PDE4B: variants seen among roughly 807,000 people sequenced by gnomAD.
PDE4B encodes the protein phosphodiesterase 4B.
In PDE4B, 20 loss-of-function variants were observed where a neutral mutation model predicts 82.2. The ratio of observed to expected loss-of-function variants is 0.24; its 90% confidence interval spans 0.17 to 0.35. The LOEUF is 0.35. Ranked by LOEUF, PDE4B falls within the 10% of genes least tolerant of loss-of-function variation. The pLI, the probability that PDE4B is intolerant of heterozygous loss-of-function variation, is 1.00. For synonymous variants in PDE4B, 320 were observed against 318.9 expected (o/e 1.00, Z -0.04); for missense variants, 655 against 907.2 (o/e 0.72, Z 3.57).
At chr1:65,993,306 G>A (rs534112429) in intron 3 of PDE4B, among the ~76,000 whole-genome samples, 2 of 152,290 alleles carry the variant, frequency 1.3e-5, no homozygotes, top group Non-Finnish European at 2.9e-5. Flanking sequence ...TAAATGCACT[G>A]TGTGCTAAAT....
At chr1:66,357,483 G>A (rs11208840) in intron 9 of PDE4B, among the ~76,000 whole-genome samples, 4,610 of 152,006 alleles carry the variant, frequency 0.03, 147 homozygotes, top group South Asian at 0.084. Context: ...AGATGAGGCA[G>A]ATGTCAACTT....
intron 4 of PDE4B, among the ~76,000 whole-genome samples, chr1:66,255,105 A>G (rs1037340057): frequency 2.9e-5 from 4 of 140,260 alleles, no homozygotes; most frequent in African/African-American, 1.1e-4. Context: ...TCTTTTTGAG[A>G]CAAAGTGTCA....
intron 3 of PDE4B, among the ~76,000 whole-genome samples, chr1:66,054,175 A>G (rs1655183231): frequency 6.6e-6 from 1 of 152,188 alleles, no homozygotes; most frequent in South Asian, 2.1e-4. Context: ...GTATTTTAAT[A>G]CAAATATATC....
At chr1:65,967,672 T>G (rs1281860571) in intron 3 of PDE4B, among the ~76,000 whole-genome samples, 2 of 152,176 alleles carry the variant, frequency 1.3e-5, no homozygotes, top group Non-Finnish European at 2.9e-5. Context: ...ATATACACCA[T>G]GGAATACTAC....
chr1:65,925,426 A>G (rs12080701), intron 3 of PDE4B, among the ~76,000 whole-genome samples: 16,962 of 152,204 alleles, frequency 0.11, 1,117 homozygotes, highest in Middle Eastern at 0.2. Context: ...CATGTTGATA[A>G]AATTTCACAA....
intron 14 of PDE4B, 21 bp downstream of exon 14, chr1:66,367,871 C>T: frequency 1.2e-6 from 2 of 1,612,830 alleles, no homozygotes; most frequent in Non-Finnish European, 1.7e-6. Flanking sequence ...AGCCTCTCTA[C>T]ATTCCTCACT....
At chr1:65,839,734 G>A (rs1421024308) in intron 1 of PDE4B, among the ~76,000 whole-genome samples, 2 of 152,124 alleles carry the variant, frequency 1.3e-5, no homozygotes, top group Non-Finnish European at 2.9e-5. Flanking sequence ...ATAAATATAT[G>A]TGTGCATGTG....
At chr1:66,368,143 G>A (rs1663387489) in intron 15 of PDE4B, 78 bp downstream of exon 15, 1 of 1,499,706 alleles carries the variant, frequency 6.7e-7, no homozygotes, top group African/African-American at 1.4e-5. Context: ...AGAAAACAAA[G>A]ATAAATTCAG....
At chr1:65,870,523 A>G (rs1286222796) in intron 1 of PDE4B, among the ~76,000 whole-genome samples, 1 of 152,220 alleles carries the variant, frequency 6.6e-6, no homozygotes, top group African/African-American at 2.4e-5. Context: ...TGTAAAAATG[A>G]GATAAAAACA....
chr1:66,155,208 CTG>C (rs1242174673), intron 3 of PDE4B, among the ~76,000 whole-genome samples: 2 of 151,830 alleles, frequency 1.3e-5, no homozygotes, highest in Non-Finnish European at 1.5e-5. Flanking sequence ...CAGCTATTTT[CTG>C]TTTTTCTCTC....
intron 3 of PDE4B, among the ~76,000 whole-genome samples, chr1:66,188,553 C>T (rs1647405335): frequency 6.6e-6 from 1 of 151,738 alleles, no homozygotes; most frequent in Non-Finnish European, 1.5e-5. Flanking sequence ...GGATAGTTAG[C>T]TCTTCTTGTT....
At chr1:66,368,635 A>T in intron 15 of PDE4B, 152 bp from the exon 16 acceptor site, 1 of 480,850 alleles carries the variant, frequency 2.1e-6, no homozygotes, top group Non-Finnish European at 3.4e-6. Flanking sequence ...GCATCATTGT[A>T]ATTCCATTTT....
chr1:66,117,627 T>C (rs1307199959), intron 3 of PDE4B, among the ~76,000 whole-genome samples: 1 of 152,142 alleles, frequency 6.6e-6, no homozygotes, highest in African/African-American at 2.4e-5. Context: ...ACCCAGCATA[T>C]AGCTTTATCC....
chr1:66,187,541 T>C (rs1647293683), intron 3 of PDE4B, among the ~76,000 whole-genome samples: 1 of 152,274 alleles, frequency 6.6e-6, no homozygotes, highest in Non-Finnish European at 1.5e-5. Flanking sequence ...AAGATTTAAC[T>C]TCTTCCTGGT....
At chr1:65,928,346 T>C (rs1480569053) in intron 3 of PDE4B, among the ~76,000 whole-genome samples, 1 of 152,198 alleles carries the variant, frequency 6.6e-6, no homozygotes. Flanking sequence ...TAAGTACGAA[T>C]GCAGTAGGCT....
At chr1:66,268,441 G>A (rs1471929366) in intron 7 of PDE4B, among the ~76,000 whole-genome samples, 3 of 151,974 alleles carry the variant, frequency 2.0e-5, no homozygotes, top group Non-Finnish European at 2.9e-5. Context: ...AGGCCAAAGC[G>A]GACGGATCAC....
chr1:65,820,141 G>C (rs938046285), intron 1 of PDE4B, among the ~76,000 whole-genome samples: 1 of 152,168 alleles, frequency 6.6e-6, no homozygotes, highest in Non-Finnish European at 1.5e-5. Flanking sequence ...ACTGAAATTG[G>C]GAATGGAGGT....
chr1:66,290,573 A>G (rs1393691655), intron 7 of PDE4B, among the ~76,000 whole-genome samples: 1 of 152,206 alleles, frequency 6.6e-6, no homozygotes, highest in East Asian at 1.9e-4. Flanking sequence ...GAGATTTTAA[A>G]TTATGAATAT....
chr1:66,315,709 C>T (rs937737584), intron 7 of PDE4B, among the ~76,000 whole-genome samples: 2 of 152,192 alleles, frequency 1.3e-5, no homozygotes, highest in African/African-American at 2.4e-5. Context: ...CTGCCTGCCT[C>T]GGCCTCACAA....
Sources: allele counts gnomAD v4.1 joint callset (sites outside exome capture counted in the v4.1 genomes callset), GRCh38; gene constraint gnomAD v4.1.1; transcripts MANE v1.5; gene names NCBI Gene and HGNC (gene_info 2026-07-23, HGNC 2026-07-21).